Variants in SOS2 observed in about 807,000 individuals in gnomAD.
The protein encoded by SOS2 is SOS Ras/Rho guanine nucleotide exchange factor 2.
In SOS2, 65 loss-of-function variants were observed where a neutral mutation model predicts 148.2. That is an observed-to-expected ratio of 0.44 (90% CI 0.36 to 0.54). SOS2 has a LOEUF of 0.54. SOS2 is among the 20% of genes least tolerant of loss of function. The probability of loss-of-function intolerance (pLI) is 0.00; values close to 1 mark genes in which losing one functional copy is unlikely to be tolerated. For synonymous variants in SOS2, 539 were observed against 537.1 expected (o/e 1.00, Z -0.05); for missense variants, 1,341 against 1,590.2 (o/e 0.84, Z 2.67).
intron 14 of SOS2, among the ~76,000 whole-genome samples, chr14:50,146,603 T>C (rs1027905958): frequency 3.3e-5 from 5 of 151,492 alleles, no homozygotes; most frequent in Admixed American, 3.3e-4. Flanking sequence ...GCTGAGATCA[T>C]GCCACTGCAC....
At chr14:50,230,135 C>T (rs1032475386) in intron 1 of SOS2, among the ~76,000 whole-genome samples, 18 of 152,200 alleles carry the variant, frequency 1.2e-4, no homozygotes, top group African/African-American at 4.3e-4. Context: ...CAACTCTCAT[C>T]GCATGAGGAA....
intron 1 of SOS2, among the ~76,000 whole-genome samples, chr14:50,224,109 C>T (rs1459616761): frequency 6.6e-6 from 1 of 151,276 alleles, no homozygotes; most frequent in Non-Finnish European, 1.5e-5. Context: ...ATGGTGAAAC[C>T]CCATTTCTAC....
chr14:50,120,491 CT>C, intron 21 of SOS2, 107 bp from the exon 22 acceptor site: 2 of 651,408 alleles, frequency 3.1e-6, no homozygotes, highest in East Asian at 5.8e-5. Context: ...ACTGTATCAA[CT>C]ATTGGTTTAT....
rs1267921157 is a variant in SOS2, at chr14:50,215,351, AAC to A, written c.88-10944_88-10943del. 20 of 1,257,354 alleles carry A rather than the reference AAC, an allele frequency of 1.6e-5. No homozygotes were observed. In the African/African-American group the frequency reaches 3.0e-4, roughly 19 times the overall value. The allele number at this position is 1,257,354 out of a possible 1,614,324, so 77.9% of individuals were successfully genotyped here. A position where few individuals can be genotyped will look rare whatever the true frequency, so the allele number is the denominator to read the frequency against. On this transcript the variant is annotated intron_variant, in intron 1 of 22. Coordinates refer to ENST00000216373, the MANE Select transcript of SOS2 (RefSeq NM_006939.4). ...AAATATGAAAACAGTCATAAAAATA[AAC>A]ACACAATGTTAAAATCTCACCCATA...
At chr14:50,228,578 A>G (rs1023396729) in intron 1 of SOS2, among the ~76,000 whole-genome samples, 5 of 152,248 alleles carry the variant, frequency 3.3e-5, no homozygotes, top group African/African-American at 1.2e-4. Context: ...TTTGCATGGA[A>G]GTGATGACTT....
chr14:50,187,150 A>ATGCTCCC (rs1188464045), intron 5 of SOS2, among the ~76,000 whole-genome samples: 2 of 151,726 alleles, frequency 1.3e-5, no homozygotes, highest in Non-Finnish European at 2.9e-5. Flanking sequence ...AGCTGGGATT[A>ATGCTCCC]CAGGCATGTG....
chr14:50,125,804 C>T (rs1222386252), intron 21 of SOS2, among the ~76,000 whole-genome samples: 1 of 152,170 alleles, frequency 6.6e-6, no homozygotes, highest in East Asian at 1.9e-4. Flanking sequence ...ACCTCATTCC[C>T]ACCTCTGTAG....
chr14:50,182,373 G>C lies in SOS2; in HGVS notation c.858+90C>G, dbSNP rs186148765. On this transcript the variant is annotated intron_variant, in intron 6 of 22. Coordinates refer to ENST00000216373, the MANE Select transcript of SOS2 (RefSeq NM_006939.4). ...TTATTTTACTTTTTTATGGAAACGG[G>C]GTCTCACTATGTTGCCAAGACTCAT... The C allele has an allele frequency of 8.7e-5, 98 of 1,132,290 alleles. 1 individual carries two copies. In the Admixed American group the frequency reaches 9.2e-4, roughly 11 times the overall value. The allele number at this position is 1,132,290 out of a possible 1,614,324, so 70.1% of individuals were successfully genotyped here.
At chr14:50,215,462 C>T (rs765210989) in intron 1 of SOS2, 30 of 1,248,622 alleles carry the variant, frequency 2.4e-5, no homozygotes, top group South Asian at 9.6e-5. Context: ...AAAATTACCA[C>T]GACAGAACCA....
At chr14:50,141,676 T>C (rs1431553745) in intron 16 of SOS2, among the ~76,000 whole-genome samples, 1 of 152,208 alleles carries the variant, frequency 6.6e-6, no homozygotes, top group Non-Finnish European at 1.5e-5. Context: ...ACTATAAAAA[T>C]GTCAGTTCTT....
At chr14:50,172,841 G>A (rs770102931) in intron 8 of SOS2, among the ~76,000 whole-genome samples, 3 of 152,072 alleles carry the variant, frequency 2.0e-5, no homozygotes, top group Non-Finnish European at 4.4e-5. Flanking sequence ...AAGTGAGCAC[G>A]TGAAAGATGG....
chr14:50,228,043 ATTT>A (rs5808544), intron 1 of SOS2, among the ~76,000 whole-genome samples: 5 of 142,482 alleles, frequency 3.5e-5, no homozygotes, highest in African/African-American at 7.8e-5. Flanking sequence ...GATGCAAGTA[ATTT>A]TTTTTTTTTT....
At chr14:50,118,894 A>G in intron 22 of SOS2, 41 bp from the exon 23 acceptor site, 2 of 1,283,646 alleles carry the variant, frequency 1.6e-6, no homozygotes, top group East Asian at 2.8e-5. Context: ...CTATTCTGAA[A>G]AATTAAAAAA....
chr14:50,141,940 A>G (rs554267552), intron 16 of SOS2, among the ~76,000 whole-genome samples: 2 of 152,196 alleles, frequency 1.3e-5, no homozygotes, highest in Non-Finnish European at 2.9e-5. Flanking sequence ...AACAGAACAG[A>G]GAGACCAACA....
At chr14:50,155,119 T>C (rs1190943135) in intron 12 of SOS2, among the ~76,000 whole-genome samples, 1 of 151,638 alleles carries the variant, frequency 6.6e-6, no homozygotes, top group African/African-American at 2.4e-5. Flanking sequence ...TATGAATAGA[T>C]GAATACATAT....
At chr14:50,175,360 T>C (rs1885489704) in intron 7 of SOS2, among the ~76,000 whole-genome samples, 1 of 151,452 alleles carries the variant, frequency 6.6e-6, no homozygotes, top group Non-Finnish European at 1.5e-5. Flanking sequence ...TTTACTATCA[T>C]CCCCCTATAA....
Position 50,118,362 on chromosome 14 carries a change from A to G in SOS2, c.3981T>C (p.Asn1327=), listed in dbSNP as rs527576404. 7.4e-6 allele frequency: 12 copies of G among 1,613,592 alleles called. No individual in the cohort carries two copies. In the African/African-American group the frequency reaches 1.5e-4, roughly 20 times the overall value. ...PPLYRLPLLE[N]AETPQ is the part of the protein sequence containing the mutation. ...GCTAAGGTCATTGGGGAGTTTCTGC[A>G]TTTTCTAGCAAAGGCAGTCTGTACA... Residue 1327 remains asparagine, a synonymous_variant, in exon 23 of 23, where the codon AAT becomes AAC. Transcript: ENST00000216373.
chr14:50,225,639 A>T (rs1404149815), intron 1 of SOS2, among the ~76,000 whole-genome samples: 1 of 152,204 alleles, frequency 6.6e-6, no homozygotes, highest in African/African-American at 2.4e-5. Flanking sequence ...TTAGTTTGGA[A>T]TAATTCCAAA....
intron 22 of SOS2, among the ~76,000 whole-genome samples, chr14:50,120,011 T>A (rs1266783901): frequency 1.3e-5 from 2 of 151,698 alleles, no homozygotes; most frequent in East Asian, 3.9e-4. Context: ...TGGGGTTTCA[T>A]CATGTTGACC....
Sources: gnomAD v4.1 joint callset for allele counts (sites outside exome capture counted in the v4.1 genomes callset) on GRCh38, gnomAD v4.1.1 for gene constraint, MANE v1.5 for transcripts, NCBI Gene and HGNC (gene_info 2026-07-23, HGNC 2026-07-21) for gene names.